Variants in GPR37 observed in about 807,000 individuals in gnomAD.
The protein encoded by GPR37 is G protein-coupled receptor 37.
Under a neutral mutation model 43.6 loss-of-function variants are expected in GPR37, and 20 were observed. The observed-to-expected ratio is 0.46, with a 90% confidence interval of 0.32 to 0.67. GPR37 has a LOEUF of 0.67. GPR37 is among the 30% of genes least tolerant of loss of function. GPR37 has a pLI of 0.03. For synonymous variants in GPR37, 315 were observed against 322.6 expected (o/e 0.98, Z 0.25); for missense variants, 724 against 797.2 (o/e 0.91, Z 1.11).
chr7:124,746,565 C>T lies in GPR37; in HGVS notation c.1802G>A (p.Arg601His), dbSNP rs199987277. 1,366 of 1,611,276 alleles carry T rather than the reference C, an allele frequency of 8.5e-4. 1 individual carries two copies. The highest frequency in any genetic ancestry group is 1.1e-3 in the Non-Finnish European group (1,298 of 1,178,654). ...GACAGAAGCAAAAGTGGACATTTCA[C>T]GGCGTATGGTACTGAAAGGCGAGAG... ...LELSPFSTIRREMSTFASVGT... is the reference protein window; with the variant it reads ...LELSPFSTIRHEMSTFASVGT... The change falls in exon 2 of 2, where the codon CGT becomes CAT. Residue 601 changes from arginine to histidine, a missense_variant. Physicochemically the swap from Arg to His is conservative, Grantham distance 29 (BLOSUM62 0). Transcript: ENST00000303921.
intron 1 of GPR37, among the ~76,000 whole-genome samples, chr7:124,754,566 C>T (rs1793771196): frequency 6.6e-6 from 1 of 152,122 alleles, no homozygotes; most frequent in Admixed American, 6.6e-5. Flanking sequence ...TGCTCAAGTA[C>T]AGTGAAGTGA....
intron 1 of GPR37, among the ~76,000 whole-genome samples, chr7:124,753,815 C>T (rs972874683): frequency 1.3e-5 from 2 of 152,044 alleles, no homozygotes; most frequent in South Asian, 4.1e-4. Context: ...CCTCAGCTTT[C>T]AAATATTTTG....
intron 1 of GPR37, among the ~76,000 whole-genome samples, chr7:124,749,989 T>C (rs1486712852): frequency 6.6e-6 from 1 of 152,174 alleles, no homozygotes; most frequent in Non-Finnish European, 1.5e-5. Flanking sequence ...GATGAAAATT[T>C]GTTTTGCGTC....
At chr7:124,748,961 G>C (rs752504779) in intron 1 of GPR37, among the ~76,000 whole-genome samples, 3 of 151,926 alleles carry the variant, frequency 2.0e-5, no homozygotes, top group Non-Finnish European at 2.9e-5. Context: ...GGGGCAAACA[G>C]ATACATATCC....
Position 124,764,961 on chromosome 7 carries a change from C to T in GPR37, c.16G>A (p.Ala6Thr). 2 of 1,491,004 alleles carry T rather than the reference C, an allele frequency of 1.3e-6. No individual in the cohort carries two copies. Among genetic ancestry groups the T allele is most frequent in the Non-Finnish European group, 1.8e-6 (2 of 1,123,906 alleles). 92.4% of individuals were successfully genotyped at this position (1,491,004 alleles called of 1,614,324 possible). A position where few individuals can be genotyped will look rare whatever the true frequency, so the allele number is the denominator to read the frequency against. ...AGCCGCGACATGCGGGCGAGAAGCG[C>T]GCCCGGGGCTCGCATGGCTTGGTGA... MRAPG[A>T]LLARMSRLLL... Residue 6 changes from alanine (A) to threonine (T), a missense_variant, in exon 1 of 2, where the codon GCG (alanine) becomes ACG (threonine). Physicochemically the swap from Ala to Thr is moderately conservative, Grantham distance 58 (BLOSUM62 0). Around this residue, in one of 2 missense-constraint regions of GPR37, gnomAD observed 382 missense variants for 355.4 expected, o/e 1.07. Transcript: ENST00000303921. The surrounding 1 kb of genome is among the most constrained non-coding windows in gnomAD (Gnocchi z 5.4).
At chr7:124,763,837 C>T (rs748953583) in intron 1 of GPR37, 117 bp downstream of exon 1, 7 of 856,438 alleles carry the variant, frequency 8.2e-6, no homozygotes, top group Admixed American at 4.6e-5. Flanking sequence ...TGAAAGAGGG[C>T]CCCAGATAAA....
rs772526947 is a variant in GPR37, at chr7:124,764,529, C to T, written c.448G>A (p.Glu150Lys). The change falls in exon 1 of 2, where the codon GAG becomes AAG. Residue 150 changes from glutamate to lysine, a missense_variant. Coordinates refer to ENST00000303921, the MANE Select transcript of GPR37 (RefSeq NM_005302.5). This position sits in a 1 kb window ranked among gnomAD's most constrained non-coding sequence, Gnocchi z 5.4. ...TALQLFLQIS[E>K]EEEKGPRGAG... Reference sequence around the variant, plus strand: ...CCTCTGGGACCCTTCTCTTCCTCCTCTGAGATCTGAAGGAAGAGCTGGAGG... The same window carrying T: ...CCTCTGGGACCCTTCTCTTCCTCCTTTGAGATCTGAAGGAAGAGCTGGAGG... 80 of 1,613,528 alleles carry T rather than the reference C, an allele frequency of 5.0e-5. No homozygotes were observed. Among genetic ancestry groups the T allele is most frequent in the Non-Finnish European group, 5.9e-5 (70 of 1,180,022 alleles).
chr7:124,761,154 C>CAAAAAAAAAAAAA (rs60967099), intron 1 of GPR37, among the ~76,000 whole-genome samples: 1 of 77,470 alleles, frequency 1.3e-5, no homozygotes, highest in African/African-American at 5.3e-5. Context: ...GACTCCGTCT[C>CAAAAAAAAAAAAA]AAAAAAAAAA....
chr7:124,745,968 C>T lies in GPR37; in HGVS notation c.*557G>A, dbSNP rs992325965. Reference sequence around the variant, plus strand: ...AAAATACGTTATAAAACAGTAAGGCCGGTTTTAAATTGTGCATAGAACCAG... The same window carrying T: ...AAAATACGTTATAAAACAGTAAGGCTGGTTTTAAATTGTGCATAGAACCAG... On this transcript the variant is annotated 3_prime_UTR_variant, in exon 2 of 2. Coordinates refer to ENST00000303921, the MANE Select transcript of GPR37 (RefSeq NM_005302.5). The T allele has an allele frequency of 2.6e-5, 4 of 151,978 alleles. No individual in the cohort carries two copies. Among genetic ancestry groups the T allele is most frequent in the Admixed American group, 1.3e-4 (2 of 15,256 alleles). The allele number at this position is 151,978 out of a possible 1,614,324, so 9.4% of individuals were successfully genotyped here.
chr7:124,759,317 T>G (rs550935022), intron 1 of GPR37, among the ~76,000 whole-genome samples: 1 of 152,278 alleles, frequency 6.6e-6, no homozygotes, highest in South Asian at 2.1e-4. Context: ...TCTGCCTGCA[T>G]AGGCCTCCCA....
At chr7:124,762,224 T>A (rs189538952) in intron 1 of GPR37, among the ~76,000 whole-genome samples, 1 of 152,288 alleles carries the variant, frequency 6.6e-6, no homozygotes, top group East Asian at 1.9e-4. Context: ...CTCATTAAAT[T>A]AACCAAAGTT....
At chr7:124,753,260 T>G (rs116601350) in intron 1 of GPR37, among the ~76,000 whole-genome samples, 1,595 of 152,184 alleles carry the variant, frequency 0.01, 28 homozygotes, top group African/African-American at 0.034. Flanking sequence ...AATAATTTTA[T>G]TATATTCTAT....
In GPR37 at chr7:124,746,390, G is replaced by T; in HGVS notation, c.*135C>A. The T allele has an allele frequency of 1.6e-6, 1 of 644,012 alleles. No individual in the cohort carries two copies. Among genetic ancestry groups the T allele is most frequent in the East Asian group, 2.8e-5 (1 of 35,380 alleles). The allele number at this position is 644,012 out of a possible 1,614,324, so 39.9% of individuals were successfully genotyped here. A position where few individuals can be genotyped will look rare whatever the true frequency, so the allele number is the denominator to read the frequency against. ...GCACAAATATTAATTTGTAAAATCAGTTCTACAGTAGTTAATATTTCTTTC... is the reference window on the plus strand; with the variant it reads ...GCACAAATATTAATTTGTAAAATCATTTCTACAGTAGTTAATATTTCTTTC... On this transcript the variant is annotated 3_prime_UTR_variant, in exon 2 of 2. Coordinates refer to ENST00000303921, the MANE Select transcript of GPR37 (RefSeq NM_005302.5).
chr7:124,746,943 G>C lies in GPR37; in HGVS notation c.1424C>G (p.Ala475Gly), dbSNP rs754611966. The change falls in exon 2 of 2, where the codon GCC becomes GGC. Residue 475 changes from alanine to glycine, a missense_variant. Coordinates refer to ENST00000303921, the MANE Select transcript of GPR37 (RefSeq NM_005302.5). The stretch of plus-strand genomic sequence containing the variant: ...CTGCCGTTTATTCCCTCGGGTACAG[G>C]CTTTCTCTGCTTTGCGGATTTTCCT... Reference protein sequence around the residue: ...TARKIRKAEKACTRGNKRQIQ... With the variant: ...TARKIRKAEKGCTRGNKRQIQ... The C allele has an allele frequency of 1.7e-5, 28 of 1,613,930 alleles. No individual in the cohort carries two copies. In the East Asian group the frequency reaches 5.8e-4, roughly 33 times the overall value.
intron 1 of GPR37, among the ~76,000 whole-genome samples, chr7:124,752,428 C>T (rs770959307): frequency 1.3e-5 from 2 of 152,146 alleles, no homozygotes; most frequent in Non-Finnish European, 2.9e-5. Flanking sequence ...TATCTCCCAC[C>T]TGCTACCATG....
chr7:124,755,274 TATACTC>T (rs1213089281), intron 1 of GPR37, among the ~76,000 whole-genome samples: 17 of 152,148 alleles, frequency 1.1e-4, no homozygotes, highest in African/African-American at 4.1e-4. Flanking sequence ...TTATTTCTAA[TATACTC>T]AGACTATTCC....
In GPR37 at chr7:124,764,698, G is replaced by A; in HGVS notation, c.279C>T (p.Gly93=). Reference sequence around the variant, plus strand: ...CCCCTCTGCCTGCAGCCGGGTCACGGCCCGGGGCCGCCGGCAGGTCCCAGG... The same window carrying A: ...CCCCTCTGCCTGCAGCCGGGTCACGACCCGGGGCCGCCGGCAGGTCCCAGG... The part of the protein sequence containing the change: ...GPSWDLPAAP[G]RDPAAGRGAE... The change falls in exon 1 of 2, where the codon GGC becomes GGT. Residue 93 remains glycine (G), a synonymous_variant. Transcript: ENST00000303921. The surrounding 1 kb of genome is among the most constrained non-coding windows in gnomAD (Gnocchi z 5.4). 1 of 1,597,262 alleles carries A rather than the reference G, an allele frequency of 6.3e-7. No individual in the cohort carries two copies. The highest frequency in any genetic ancestry group is 1.1e-5 in the South Asian group (1 of 89,972).
rs1276857076 is a variant in GPR37 at position 124,764,167 on chromosome 7, C to A, written c.810G>T (p.Val270=). 1 of 1,600,202 alleles carries A rather than the reference C, an allele frequency of 6.2e-7. No homozygotes were observed. The highest frequency in any genetic ancestry group is 2.2e-5 in the East Asian group (1 of 44,804). Residue 270 remains valine (V), a synonymous_variant, in exon 1 of 2, where the codon GTG becomes GTT. Transcript: ENST00000303921. This position sits in a 1 kb window ranked among gnomAD's most constrained non-coding sequence, Gnocchi z 5.4. ...GAYAVMCLSV[V]IFGTGIIGNL... ...TGCCAATGATGCCGGTCCCGAAGATCACCACGGACAGACACATGACCGCGT... is the reference window on the plus strand; with the variant it reads ...TGCCAATGATGCCGGTCCCGAAGATAACCACGGACAGACACATGACCGCGT...
At chr7:124,759,220 C>T (rs1181213988) in intron 1 of GPR37, among the ~76,000 whole-genome samples, 1 of 152,082 alleles carries the variant, frequency 6.6e-6, no homozygotes, top group African/African-American at 2.4e-5. Context: ...GCATGCACCA[C>T]CACATCCCGT....
Sources: gnomAD v4.1 joint callset for allele counts (sites outside exome capture counted in the v4.1 genomes callset) on GRCh38, gnomAD v4.1.1 for gene constraint, gnomAD v4.1.1 regional missense constraint, Gnocchi (gnomAD v3.1) non-coding constraint, MANE v1.5 for transcripts, NCBI Gene and HGNC (gene_info 2026-07-23, HGNC 2026-07-21) for gene names.